The following B3GALT1 variants were observed in gnomAD, a reference collection of about 807,000 sequenced individuals.
B3GALT1 encodes UDP-Gal:betaGlcNAc beta 1,3-galactosyltransferase, polypeptide 1.
A neutral mutation model predicts 23.2 loss-of-function variants in B3GALT1; 10 were observed. That is an observed-to-expected ratio of 0.43 (90% confidence interval 0.27 to 0.73). B3GALT1 has a LOEUF of 0.73. B3GALT1 is among the 30% of genes least tolerant of loss of function. B3GALT1 has a pLI of 0.21. For missense variants in B3GALT1, 299 were observed against 405.4 expected, an observed-to-expected ratio of 0.74 and a Z score of 2.25; for synonymous variants, 156 against 141.5, an observed-to-expected ratio of 1.10 and a Z score of -0.73.
chr2:167,567,819 C>T (rs144098207), intron 2 of B3GALT1, among the ~76,000 whole-genome samples: 19 of 152,180 alleles, frequency 1.2e-4, no homozygotes, highest in Middle Eastern at 3.4e-3. Flanking sequence ...TGTACAATGA[C>T]GTATATTCAC....
intron 2 of B3GALT1, among the ~76,000 whole-genome samples, chr2:167,633,500 AT>A (rs1445400437): frequency 6.6e-6 from 1 of 151,724 alleles, no homozygotes; most frequent in Non-Finnish European, 1.5e-5. Context: ...GAAAAAAAAA[AT>A]AGCAACAACA....
chr2:167,624,691 G>T (rs1388744991), intron 2 of B3GALT1, among the ~76,000 whole-genome samples: 3 of 151,962 alleles, frequency 2.0e-5, no homozygotes, highest in Non-Finnish European at 2.9e-5. Flanking sequence ...ATTTAAATAG[G>T]TGGGATTAGC....
At chr2:167,302,343 A>G (rs1055458165) in intron 1 of B3GALT1, among the ~76,000 whole-genome samples, 5 of 152,132 alleles carry the variant, frequency 3.3e-5, no homozygotes, top group East Asian at 1.9e-4. Flanking sequence ...AAAAAAATCT[A>G]TACTAAAAAA....
At chr2:167,332,675 C>T (rs1696992602) in intron 1 of B3GALT1, among the ~76,000 whole-genome samples, 2 of 152,194 alleles carry the variant, frequency 1.3e-5, no homozygotes, top group South Asian at 2.1e-4. Flanking sequence ...CAAAACACTT[C>T]GGAACCAGGT....
intron 3 of B3GALT1, among the ~76,000 whole-genome samples, chr2:167,739,747 A>G (rs1179829702): frequency 6.6e-6 from 1 of 152,094 alleles, no homozygotes; most frequent in Admixed American, 6.6e-5. Flanking sequence ...TTAAGGAATG[A>G]ATGAATGAAT....
At chr2:167,715,994 T>C in intron 3 of B3GALT1, 1 of 1,612,096 alleles carries the variant, frequency 6.2e-7, no homozygotes, top group Non-Finnish European at 8.5e-7. Context: ...CAGGTAGTGC[T>C]GCCACAATTC....
chr2:167,542,917 C>T (rs1257687921), intron 2 of B3GALT1, among the ~76,000 whole-genome samples: 1 of 151,720 alleles, frequency 6.6e-6, no homozygotes, highest in Non-Finnish European at 1.5e-5. Flanking sequence ...AAAAGTACTC[C>T]AGACTAGAAC....
chr2:167,774,501 T>C (rs1190281318), intron 3 of B3GALT1, among the ~76,000 whole-genome samples: 3 of 134,472 alleles, frequency 2.2e-5, no homozygotes, highest in African/African-American at 8.3e-5. Context: ...TTTTTTGTTT[T>C]TTTTTTTTTT....
intron 3 of B3GALT1, among the ~76,000 whole-genome samples, chr2:167,788,746 T>C (rs1173110082): frequency 2.6e-5 from 4 of 152,128 alleles, no homozygotes; most frequent in African/African-American, 4.8e-5. Context: ...GATACTTGGC[T>C]TTCCCATAAC....
At position 167,714,320 on chromosome 2, in the gene B3GALT1, G is replaced by A. The variant is rs559703475; in HGVS notation, c.-352+67354G>A. Reference sequence around the variant, plus strand: ...GTCAGAAGGAGCCCTGTGAGCATCAGTTGACCTATCACAGCTTGGTTCTCC... The same window carrying A: ...GTCAGAAGGAGCCCTGTGAGCATCAATTGACCTATCACAGCTTGGTTCTCC... On this transcript the variant is annotated intron_variant, in intron 3 of 4. Transcript: ENST00000392690. 7 of 1,494,418 alleles carry A rather than the reference G, an allele frequency of 4.7e-6. No individual in the cohort carries two copies. The South Asian group carries it at 5.6e-5, about 12-fold the overall frequency. The allele number at this position is 1,494,418 out of a possible 1,614,324, so 92.6% of individuals were successfully genotyped here.
chr2:167,466,020 C>A (rs1213978388), intron 1 of B3GALT1, among the ~76,000 whole-genome samples: 1 of 152,068 alleles, frequency 6.6e-6, no homozygotes, highest in Non-Finnish European at 1.5e-5. Flanking sequence ...TGCTTAAAGG[C>A]AAGGAAACAC....
intron 1 of B3GALT1, among the ~76,000 whole-genome samples, chr2:167,316,992 C>T (rs959875987): frequency 2.6e-5 from 4 of 152,090 alleles, no homozygotes; most frequent in South Asian, 2.1e-4. Context: ...TTAACAATTT[C>T]GAGTTTCTGT....
intron 3 of B3GALT1, among the ~76,000 whole-genome samples, chr2:167,669,834 C>T (rs1686291239): frequency 6.6e-6 from 1 of 152,066 alleles, no homozygotes; most frequent in African/African-American, 2.4e-5. Context: ...ATGTGGGACA[C>T]TGCCCAAGAA....
chr2:167,830,871 G>T (rs370265002), intron 4 of B3GALT1, among the ~76,000 whole-genome samples: 13 of 152,352 alleles, frequency 8.5e-5, no homozygotes, highest in African/African-American at 2.2e-4. Context: ...GTTGCTAAGA[G>T]AAGTGGCTTG....
intron 4 of B3GALT1, among the ~76,000 whole-genome samples, chr2:167,857,335 G>C (rs1690017785): frequency 6.6e-6 from 1 of 152,022 alleles, no homozygotes; most frequent in African/African-American, 2.4e-5. Flanking sequence ...CCTCTTCACA[G>C]AGTCTAAATG....
chr2:167,791,633 C>T (rs1688439305), intron 3 of B3GALT1, among the ~76,000 whole-genome samples: 1 of 152,058 alleles, frequency 6.6e-6, no homozygotes, highest in Non-Finnish European at 1.5e-5. Context: ...CACATGTGCC[C>T]AGAGGATCCT....
At chr2:167,595,677 T>A (rs1304200496) in intron 2 of B3GALT1, among the ~76,000 whole-genome samples, 1 of 152,214 alleles carries the variant, frequency 6.6e-6, no homozygotes, top group Admixed American at 6.5e-5. Flanking sequence ...TTATTCACTT[T>A]AGAAATATAA....
At chr2:167,573,305 T>G (rs1409031022) in intron 2 of B3GALT1, among the ~76,000 whole-genome samples, 1 of 151,808 alleles carries the variant, frequency 6.6e-6, no homozygotes, top group East Asian at 1.9e-4. Flanking sequence ...TTATACTAAG[T>G]GAGTTGAAAA....
chr2:167,566,654 G>A (rs1358822570), intron 2 of B3GALT1, among the ~76,000 whole-genome samples: 2 of 152,136 alleles, frequency 1.3e-5, no homozygotes, highest in African/African-American at 4.8e-5. Context: ...AGCCATATGA[G>A]TAGTTAATAC....
Sources: gnomAD v4.1 joint callset for allele counts (sites outside exome capture counted in the v4.1 genomes callset) on GRCh38, gnomAD v4.1.1 for gene constraint, MANE v1.5 for transcripts, NCBI Gene and HGNC (gene_info 2026-07-23, HGNC 2026-07-21) for gene names.